The following WNT2B variants were observed in gnomAD, a reference collection of about 807,000 sequenced individuals.
The protein encoded by WNT2B is Wnt family member 2B.
Under a neutral mutation model 40.5 loss-of-function variants are expected in WNT2B, and 19 were observed. The ratio of observed to expected loss-of-function variants is 0.47; its 90% CI spans 0.33 to 0.69. The LOEUF is 0.69. Ranked by LOEUF, WNT2B falls within the 30% of genes least tolerant of loss-of-function variation. WNT2B has a pLI of 0.02. For synonymous variants in WNT2B, 220 were observed against 211.9 expected (o/e 1.04, Z -0.33); for missense variants, 467 against 556.4 (o/e 0.84, Z 1.62).
In WNT2B at chr1:112,514,333, G is replaced by T. The variant is rs114337656; in HGVS notation, c.183-541G>T. On this transcript the variant is annotated intron_variant, in intron 1 of 4. Transcript: ENST00000369684. ...GAATGAGGATTTTTTTTAGCTACAC[G>T]GGTCTGACTAGAGCTGTAAACGTTA... Among the ~76,000 whole-genome samples, 221 of 152,182 alleles carry T rather than the reference G, an allele frequency of 1.5e-3. 1 individual carries two copies. Among genetic ancestry groups the T allele is most frequent in the African/African-American group, 5.0e-3 (208 of 41,498 alleles).
chr1:112,500,294 T>C (rs1455770416), intron 1 of WNT2B, among the ~76,000 whole-genome samples: 1 of 152,172 alleles, frequency 6.6e-6, no homozygotes, highest in African/African-American at 2.4e-5. Context: ...AGCCGGACAT[T>C]AAAGATAGAG....
intron 1 of WNT2B, among the ~76,000 whole-genome samples, chr1:112,486,962 T>A (rs1330021284): frequency 6.6e-6 from 1 of 152,230 alleles, no homozygotes; most frequent in Non-Finnish European, 1.5e-5. Context: ...AGTTATCCCA[T>A]GCCTAGGTAT....
chr1:112,473,331 T>C (rs973473935), intron 1 of WNT2B, among the ~76,000 whole-genome samples: 4 of 152,080 alleles, frequency 2.6e-5, no homozygotes, highest in Non-Finnish European at 4.4e-5. Context: ...ATAGCTATTA[T>C]AACTGTACTG....
Position 112,520,323 on chromosome 1 carries a change from A to C in WNT2B, c.990A>C (p.Lys330Asn). ...TAGRVCSKTS[K>N]GTDGCEIMCC... is the part of the protein sequence containing the mutation. ...GCCGTGTCTGCAGCAAGACATCAAA[A>C]GGAACAGACGGTTGTGAAATCATGT... Residue 330 changes from lysine to asparagine, a missense_variant, in exon 5 of 5, where the codon AAA (lysine) becomes AAC (asparagine). Lys to Asn is a moderately conservative substitution (Grantham distance 94, BLOSUM62 0). Coordinates refer to ENST00000369684, the MANE Select transcript of WNT2B (RefSeq NM_024494.3). 5 of 1,614,190 alleles carry C rather than the reference A, an allele frequency of 3.1e-6. No homozygotes were observed. Among genetic ancestry groups the C allele is most frequent in the Non-Finnish European group, 4.2e-6 (5 of 1,180,028 alleles).
chr1:112,479,119 G>A (rs989946104), intron 1 of WNT2B, among the ~76,000 whole-genome samples: 2 of 152,042 alleles, frequency 1.3e-5, no homozygotes, highest in African/African-American at 2.4e-5. Flanking sequence ...TACTCAGGAG[G>A]CTGAGGCAGG....
At chr1:112,490,866 G>A (rs1651580394) in intron 1 of WNT2B, 1 of 721,800 alleles carries the variant, frequency 1.4e-6, no homozygotes, top group Non-Finnish European at 2.3e-6. Context: ...TCAAGGTCTA[G>A]GCCAAAATTT....
At chr1:112,482,753 T>A (rs541027615) in intron 1 of WNT2B, among the ~76,000 whole-genome samples, 1 of 152,246 alleles carries the variant, frequency 6.6e-6, no homozygotes, top group East Asian at 1.9e-4. Context: ...CAAAAAGACT[T>A]GTACACTAAA....
chr1:112,520,791 T>C lies in WNT2B; in HGVS notation c.*282T>C. 3 of 470,396 alleles carry C rather than the reference T, an allele frequency of 6.4e-6. No homozygotes were observed. The highest frequency in any genetic ancestry group is 7.6e-6 in the Non-Finnish European group (2 of 263,848). 29.1% of individuals were successfully genotyped at this position (470,396 alleles called of 1,614,324 possible). ...AGGGGGTCTTTAGAGTGAAATGAGT[T>C]GCACTAAAGTACGTAGTTGAGGCTC... On this transcript the variant is annotated 3_prime_UTR_variant, in exon 5 of 5. Coordinates refer to ENST00000369684, the MANE Select transcript of WNT2B (RefSeq NM_024494.3).
chr1:112,477,904 A>G (rs1304629354), intron 1 of WNT2B, among the ~76,000 whole-genome samples: 1 of 152,238 alleles, frequency 6.6e-6, no homozygotes, highest in East Asian at 1.9e-4. Flanking sequence ...ATGGAATACC[A>G]TCACTGAAAT....
At position 112,520,807 on chromosome 1, in the gene WNT2B, G is replaced by C. The variant is rs373531874; in HGVS notation, c.*298G>C. On this transcript the variant is annotated 3_prime_UTR_variant, in exon 5 of 5. Coordinates refer to ENST00000369684, the MANE Select transcript of WNT2B (RefSeq NM_024494.3). ...GAAATGAGTTGCACTAAAGTACGTA[G>C]TTGAGGCTCCTTTTTTCTTTCCTTT... 1.1e-4 allele frequency: 45 copies of C among 397,130 alleles called. No individual in the cohort carries two copies. The East Asian group carries it at 1.3e-3, about 12-fold the overall frequency. The allele number at this position is 397,130 out of a possible 1,614,324, so 24.6% of individuals were successfully genotyped here. A position where few individuals can be genotyped will look rare whatever the true frequency, so the allele number is the denominator to read the frequency against.
At chr1:112,514,735 A>G (rs1652466484) in intron 1 of WNT2B, 139 bp from the exon 2 acceptor site, 5 of 753,604 alleles carry the variant, frequency 6.6e-6, no homozygotes, top group Middle Eastern at 3.5e-4. Flanking sequence ...GGTTCTACTC[A>G]TCAGCTTTAT....
intron 1 of WNT2B, among the ~76,000 whole-genome samples, chr1:112,475,959 A>T (rs944123254): frequency 1.3e-5 from 2 of 152,224 alleles, no homozygotes; most frequent in Non-Finnish European, 2.9e-5. Flanking sequence ...AGGGTAAATT[A>T]TTATTGACTA....
At chr1:112,514,657 G>A in intron 1 of WNT2B, 1 of 589,088 alleles carries the variant, frequency 1.7e-6, no homozygotes, top group Non-Finnish European at 3.0e-6. Context: ...TGGTGATGGT[G>A]GGAGGCCACT....
Position 112,525,060 on chromosome 1 carries a change from A to G in WNT2B, c.*4551A>G, listed in dbSNP as rs1689645632. Reference sequence around the variant, plus strand: ...AGTGGTGAAGAATTACCATCAAAGCAGAGTGGCTGAGACTGTATAAGTTCG... The same window carrying G: ...AGTGGTGAAGAATTACCATCAAAGCGGAGTGGCTGAGACTGTATAAGTTCG... On this transcript the variant is annotated 3_prime_UTR_variant, in exon 5 of 5. Coordinates refer to ENST00000369684, the MANE Select transcript of WNT2B (RefSeq NM_024494.3). 1 of 152,266 alleles carries G rather than the reference A, an allele frequency of 6.6e-6. No homozygotes were observed. The highest frequency in any genetic ancestry group is 1.5e-5 in the Non-Finnish European group (1 of 68,088). The allele number at this position is 152,266 out of a possible 1,614,324, so 9.4% of individuals were successfully genotyped here. A position where few individuals can be genotyped will look rare whatever the true frequency, so the allele number is the denominator to read the frequency against.
exon 1 of WNT2B, chr1:112,466,959 G>C (rs942792735): frequency 6.6e-6 from 1 of 152,626 alleles, no homozygotes; most frequent in African/African-American, 2.4e-5. Flanking sequence ...GGCCTTTAGG[G>C]ATTTTAGGTG....
At chr1:112,498,262 GT>G (rs1398822306) in intron 1 of WNT2B, among the ~76,000 whole-genome samples, 1 of 150,700 alleles carries the variant, frequency 6.6e-6, no homozygotes, top group Non-Finnish European at 1.5e-5. Context: ...TTTTTAGTTT[GT>G]TTTGTTTTGA....
intron 1 of WNT2B, among the ~76,000 whole-genome samples, chr1:112,489,664 A>G (rs923676098): frequency 2.6e-5 from 4 of 152,226 alleles, no homozygotes; most frequent in African/African-American, 9.6e-5. Flanking sequence ...TGCAATGCCA[A>G]TACTCGCAAT....
At chr1:112,477,790 T>TA (rs567367190) in intron 1 of WNT2B, among the ~76,000 whole-genome samples, 6 of 151,746 alleles carry the variant, frequency 4.0e-5, no homozygotes, top group Admixed American at 2.0e-4. Context: ...AAAATAATTT[T>TA]AAAAAAAAAT....
At chr1:112,491,787 A>T (rs1490129243) in intron 1 of WNT2B, among the ~76,000 whole-genome samples, 2 of 152,156 alleles carry the variant, frequency 1.3e-5, no homozygotes, top group African/African-American at 2.4e-5. Flanking sequence ...ACTACTCAGG[A>T]GGCTAAAGTG....
Sources: allele counts gnomAD v4.1 joint callset (sites outside exome capture counted in the v4.1 genomes callset), GRCh38; gene constraint gnomAD v4.1.1; transcripts MANE v1.5; gene names NCBI Gene and HGNC (gene_info 2026-07-23, HGNC 2026-07-21).